Variants in TRAPPC11 observed in about 807,000 individuals in gnomAD.
The protein encoded by TRAPPC11 is foie gras homolog.
TRAPPC11 carries 104 observed loss-of-function variants against 151.2 expected under a neutral mutation model. The observed-to-expected ratio is 0.69, with a 90% CI of 0.59 to 0.81. The LOEUF (loss-of-function observed/expected upper bound fraction) is 0.81, where lower values mean the gene tolerates loss of function less well. TRAPPC11 is among the 30% of genes least tolerant of loss of function. The probability of loss-of-function intolerance (pLI) is 0.00; values close to 1 mark genes in which losing one functional copy is unlikely to be tolerated. For synonymous variants in TRAPPC11, 456 were observed against 472.3 expected (o/e 0.97, Z 0.45); for missense variants, 1,230 against 1,349.6 (o/e 0.91, Z 1.39).
chr4:183,703,189 C>T (rs1268118012), intron 26 of TRAPPC11, among the ~76,000 whole-genome samples: 1 of 152,174 alleles, frequency 6.6e-6, no homozygotes, highest in African/African-American at 2.4e-5. Flanking sequence ...AAAAAGACAA[C>T]TGTAGGCCAG....
rs1247231709 is a variant in TRAPPC11, at chr4:183,691,297, C to T, written c.1894-19C>T. ...TAGCAGACATCTGACATTTGATGAC[C>T]CCTGTTCACCTTTTTCAGGAATACA... On this transcript the variant is annotated intron_variant, in intron 18 of 29. Coordinates refer to ENST00000334690, the MANE Select transcript of TRAPPC11 (RefSeq NM_021942.6). 1.4e-6 allele frequency: 2 copies of T among 1,465,930 alleles called. No individual in the cohort carries two copies. Among genetic ancestry groups the T allele is most frequent in the African/African-American group, 2.8e-5 (2 of 71,570 alleles). 90.8% of individuals were successfully genotyped at this position (1,465,930 alleles called of 1,614,324 possible).
chr4:183,693,202 AT>A, intron 20 of TRAPPC11, 55 bp downstream of exon 20: 339 of 1,474,458 alleles, frequency 2.3e-4, no homozygotes, highest in Admixed American at 5.2e-4. Flanking sequence ...TTCTTTTGCT[AT>A]TTTTTTTGGA....
intron 18 of TRAPPC11, among the ~76,000 whole-genome samples, chr4:183,687,039 G>T (rs1458363682): frequency 6.6e-6 from 1 of 152,108 alleles, no homozygotes; most frequent in East Asian, 1.9e-4. Flanking sequence ...AAATCTGCTG[G>T]GTGTGGTGGC....
intron 5 of TRAPPC11, among the ~76,000 whole-genome samples, chr4:183,671,152 C>G (rs970137825): frequency 6.6e-6 from 1 of 152,186 alleles, no homozygotes; most frequent in East Asian, 1.9e-4. Flanking sequence ...ATTCATGAGC[C>G]ACTGTTCCCG....
At chr4:183,666,497 GC>G (rs1734891328) in intron 3 of TRAPPC11, 71 bp downstream of exon 3, 1 of 1,465,838 alleles carries the variant, frequency 6.8e-7, no homozygotes, top group Non-Finnish European at 9.2e-7. Flanking sequence ...TTCCTTGAAG[GC>G]AATGGAGTAC....
Position 183,712,664 on chromosome 4 carries a change from G to C in TRAPPC11, c.*20G>C, listed in dbSNP as rs760197835. The C allele has an allele frequency of 6.2e-7, 1 of 1,613,792 alleles. No homozygotes were observed. Among genetic ancestry groups the C allele is most frequent in the South Asian group, 1.1e-5 (1 of 91,070 alleles). ...GCATGATGTTCAAGACCGGCCCTTG[G>C]CTGTTGTTACAGAGATGTTGGGCAG... On this transcript the variant is annotated 3_prime_UTR_variant, in exon 30 of 30. Transcript: ENST00000334690.
chr4:183,667,236 G>C (rs73872654), intron 4 of TRAPPC11, 106 bp downstream of exon 4: 2 of 793,560 alleles, frequency 2.5e-6, no homozygotes, highest in Non-Finnish European at 2.1e-6. Flanking sequence ...TTCAGTTATG[G>C]GGCTGATAGT....
At position 183,689,791 on chromosome 4, in the gene TRAPPC11, C is replaced by CTT. The variant is rs11430506; in HGVS notation, c.1894-1516_1894-1515dup. ...CCTACTATTTCATTTCTTTTCTTTC[C>CTT]TTTTTTTTTTCAACAAAAAATATAA... On this transcript the variant is annotated intron_variant, in intron 18 of 29. Transcript: ENST00000334690. 1.2e-3 allele frequency among the ~76,000 whole-genome samples: 172 copies of CTT among 148,358 alleles called. 1 individual carries two copies. The South Asian group carries it at 0.012, about 10-fold the overall frequency.
chr4:183,695,416 G>A lies in TRAPPC11; in HGVS notation c.2628+693G>A, dbSNP rs142099858. 2.3e-3 allele frequency among the ~76,000 whole-genome samples: 354 copies of A among 152,212 alleles called. 1 individual carries two copies. The highest frequency in any genetic ancestry group is 8.1e-3 in the African/African-American group (336 of 41,538). On this transcript the variant is annotated intron_variant, in intron 23 of 29. Transcript: ENST00000334690. ...AAAAATATTGGTAAAAATTGTTTTC[G>A]GTAAGTGCACATAAAAGTGAAAATA...
chr4:183,689,373 C>T (rs1736138403), intron 18 of TRAPPC11, among the ~76,000 whole-genome samples: 2 of 151,952 alleles, frequency 1.3e-5, no homozygotes, highest in African/African-American at 4.8e-5. Context: ...TACTTCATTC[C>T]TTCTTGCCTT....
Position 183,700,360 on chromosome 4 carries a change from T to A in TRAPPC11, c.2852-1337T>A, listed in dbSNP as rs182382047. ...TTTCACTGTTGTTATCTGTCCACAATCAGACCTCCATTGATCTGTCACAAC... is the reference window on the plus strand; with the variant it reads ...TTTCACTGTTGTTATCTGTCCACAAACAGACCTCCATTGATCTGTCACAAC... On this transcript the variant is annotated intron_variant, in intron 25 of 29. Coordinates refer to ENST00000334690, the MANE Select transcript of TRAPPC11 (RefSeq NM_021942.6). 1.4e-3 allele frequency among the ~76,000 whole-genome samples: 214 copies of A among 152,324 alleles called. 2 individuals are homozygous for A. Among genetic ancestry groups the A allele is most frequent in the African/African-American group, 4.8e-3 (200 of 41,566 alleles).
intron 1 of TRAPPC11, among the ~76,000 whole-genome samples, chr4:183,660,784 G>A (rs1038762383): frequency 1.3e-5 from 2 of 152,228 alleles, no homozygotes; most frequent in African/African-American, 4.8e-5. Flanking sequence ...TGCGATCTCG[G>A]CTCACTGAAA....
intron 25 of TRAPPC11, among the ~76,000 whole-genome samples, chr4:183,699,798 A>G (rs1234224790): frequency 6.6e-6 from 1 of 150,536 alleles, no homozygotes; most frequent in Non-Finnish European, 1.5e-5. Context: ...AGCAGGTAGC[A>G]CTTCTTTGTC....
intron 8 of TRAPPC11, among the ~76,000 whole-genome samples, chr4:183,677,935 G>A (rs1735491779): frequency 7.2e-6 from 1 of 137,978 alleles, no homozygotes; most frequent in East Asian, 2.1e-4. Flanking sequence ...TCACCTTAGA[G>A]GAAACTTTTT....
chr4:183,665,384 G>A (rs968407650), intron 2 of TRAPPC11, among the ~76,000 whole-genome samples: 42 of 152,140 alleles, frequency 2.8e-4, no homozygotes, highest in African/African-American at 6.8e-4. Flanking sequence ...GTGAGCCACC[G>A]TGCCAGGCCT....
In TRAPPC11 at chr4:183,686,862, G is replaced by A. The variant is rs138798860; in HGVS notation, c.1893+114G>A. 1.4e-3 allele frequency: 1,789 copies of A among 1,287,500 alleles called. 38 individuals carry two copies. In the Admixed American group the frequency reaches 0.034, roughly 25 times the overall value. 79.8% of individuals were successfully genotyped at this position (1,287,500 alleles called of 1,614,324 possible). A position where few individuals can be genotyped will look rare whatever the true frequency, so the allele number is the denominator to read the frequency against. On this transcript the variant is annotated intron_variant, in intron 18 of 29. Transcript: ENST00000334690. ...TCTTAATGGTTTCATAGTAACAAAT[G>A]AACTTTGGTAAGGTCTATTCAAAAA...
chr4:183,697,265 G>A (rs903825286), intron 23 of TRAPPC11, among the ~76,000 whole-genome samples: 2 of 151,956 alleles, frequency 1.3e-5, no homozygotes, highest in African/African-American at 4.8e-5. Context: ...GATCTGTGAT[G>A]GTGCCACTGT....
chr4:183,667,997 C>G lies in TRAPPC11; in HGVS notation c.446-6C>G. The G allele has an allele frequency of 6.5e-7, 1 of 1,531,330 alleles. No individual in the cohort carries two copies. Among genetic ancestry groups the G allele is most frequent in the Non-Finnish European group, 9.0e-7 (1 of 1,105,690 alleles). The allele number at this position is 1,531,330 out of a possible 1,614,324, so 94.9% of individuals were successfully genotyped here. On this transcript the variant is annotated splice_region_variant and splice_polypyrimidine_tract_variant and intron_variant, in intron 4 of 29. Transcript: ENST00000334690. ...TCTCATTCATCTTGATGGGGATTATCAACAGGAGAAGATGTCATTGCTTCA... is the reference window on the plus strand; with the variant it reads ...TCTCATTCATCTTGATGGGGATTATGAACAGGAGAAGATGTCATTGCTTCA...
At chr4:183,712,485 CATTT>C (rs1329416084) in intron 29 of TRAPPC11, 111 bp from the exon 30 acceptor site, 3 of 1,014,034 alleles carry the variant, frequency 3.0e-6, no homozygotes, top group Admixed American at 3.6e-5. Flanking sequence ...TGCTTACACT[CATTT>C]ATTCTGTTTT....
Sources: gnomAD v4.1 joint callset for allele counts (sites outside exome capture counted in the v4.1 genomes callset) on GRCh38, gnomAD v4.1.1 for gene constraint, MANE v1.5 for transcripts, NCBI Gene and HGNC (gene_info 2026-07-23, HGNC 2026-07-21) for gene names.